KCNQ1: variants seen among roughly 807,000 people sequenced by gnomAD.
KCNQ1 encodes potassium voltage-gated channel subfamily Q member 1.
KCNQ1 carries 49 observed loss-of-function variants against 72.4 expected under a neutral mutation model. The observed-to-expected ratio is 0.68, with a 90% CI of 0.54 to 0.86. The LOEUF (loss-of-function observed/expected upper bound fraction) is 0.86, where lower values mean the gene tolerates loss of function less well. KCNQ1 is among the 40% of genes least tolerant of loss of function. KCNQ1 has a pLI of 0.00. For missense variants in KCNQ1, 790 were observed against 945.1 expected (o/e 0.84, Z 2.15); for synonymous variants, 450 against 412.6 (o/e 1.09, Z -1.10).
rs994401725 is a variant in KCNQ1, at chr11:2,653,789, C to G, written c.1394-8172C>G. ...GTACAAGCCATCCTTGGACCTGCAGCTGTACCTCCGATGGCTGAGGCAAGG... is the reference window on the plus strand; with the variant it reads ...GTACAAGCCATCCTTGGACCTGCAGGTGTACCTCCGATGGCTGAGGCAAGG... On this transcript the variant is annotated intron_variant, in intron 10 of 15. Coordinates refer to ENST00000155840, the MANE Select transcript of KCNQ1 (RefSeq NM_000218.3). The surrounding 1 kb of genome is among the most constrained non-coding windows in gnomAD (Gnocchi z 5.3). 1 of 398,562 alleles carries G rather than the reference C, an allele frequency of 2.5e-6. No homozygotes were observed. Among genetic ancestry groups the G allele is most frequent in the Non-Finnish European group, 4.4e-6 (1 of 226,104 alleles). The allele number at this position is 398,562 out of a possible 1,614,324, so 24.7% of individuals were successfully genotyped here. A position where few individuals can be genotyped will look rare whatever the true frequency, so the allele number is the denominator to read the frequency against.
chr11:2,670,089 G>A lies in KCNQ1; in HGVS notation c.1514+8008G>A. 1 of 398,690 alleles carries A rather than the reference G, an allele frequency of 2.5e-6. No homozygotes were observed. Among genetic ancestry groups the A allele is most frequent in the Non-Finnish European group, 4.4e-6 (1 of 226,152 alleles). The allele number at this position is 398,690 out of a possible 1,614,324, so 24.7% of individuals were successfully genotyped here. A position where few individuals can be genotyped will look rare whatever the true frequency, so the allele number is the denominator to read the frequency against. On this transcript the variant is annotated intron_variant, in intron 11 of 15. Transcript: ENST00000155840. The surrounding 1 kb of genome is among the most constrained non-coding windows in gnomAD (Gnocchi z 4.9). ...GGAGGGGGTTGGAGGCAGAATCAGT[G>A]GACTGTGTCTCATGGCAGTCACAGG...
At chr11:2,733,857 C>CTCT (rs147278439) in intron 11 of KCNQ1, among the ~76,000 whole-genome samples, 10,261 of 75,362 alleles carry the variant, frequency 0.14, 1,565 homozygotes, top group Middle Eastern at 0.19. Context: ...CTCTCTCTCT[C>CTCT]CCCCCCCACT....
chr11:2,512,520 G>C (rs900237860), intron 1 of KCNQ1, among the ~76,000 whole-genome samples: 2 of 152,234 alleles, frequency 1.3e-5, no homozygotes, highest in Non-Finnish European at 2.9e-5. Context: ...CTCAAGACAA[G>C]TGTGGCCATG....
At chr11:2,466,603 G>A (rs911756308) in intron 1 of KCNQ1, among the ~76,000 whole-genome samples, 2 of 152,126 alleles carry the variant, frequency 1.3e-5, no homozygotes, top group Non-Finnish European at 2.9e-5. Flanking sequence ...AGCCTTGCCC[G>A]GGGGCACAGC....
At chr11:2,630,334 A>G in intron 10 of KCNQ1, 1 of 398,174 alleles carries the variant, frequency 2.5e-6, no homozygotes, top group Non-Finnish European at 4.4e-6. Flanking sequence ...GAAAATTTTT[A>G]AATGTATAGT....
chr11:2,553,167 T>G (rs1382106150), intron 2 of KCNQ1, among the ~76,000 whole-genome samples: 3 of 142,790 alleles, frequency 2.1e-5, no homozygotes, highest in South Asian at 4.6e-4. Context: ...TTTTTGTTTT[T>G]TTTTTTTTTG....
rs987151736 is a variant in KCNQ1 at position 2,516,365 on chromosome 11, C to T, written c.387-11563C>T. ...CCCAGCGTCCCCTCATGCCTGGGAC[C>T]GCTGACCCACCGGGATTCTTGGGGG... On this transcript the variant is annotated intron_variant, in intron 1 of 15. Transcript: ENST00000155840. This position sits in a 1 kb window ranked among gnomAD's most constrained non-coding sequence, Gnocchi z 7.0. Among the ~76,000 whole-genome samples, 2 of 151,920 alleles carry T rather than the reference C, an allele frequency of 1.3e-5. No individual in the cohort carries two copies. Among genetic ancestry groups the T allele is most frequent in the African/African-American group, 4.8e-5 (2 of 41,354 alleles).
At chr11:2,839,271 T>G (rs1008701245) in intron 15 of KCNQ1, among the ~76,000 whole-genome samples, 1 of 151,994 alleles carries the variant, frequency 6.6e-6, no homozygotes, top group African/African-American at 2.4e-5. Context: ...GCAAAGGGGC[T>G]CCAGTGCCAC....
At chr11:2,607,411 A>G (rs1216981189) in intron 10 of KCNQ1, among the ~76,000 whole-genome samples, 1 of 152,100 alleles carries the variant, frequency 6.6e-6, no homozygotes, top group Admixed American at 6.5e-5. Flanking sequence ...CTAACCCCCA[A>G]TGTTGGTATT....
intron 11 of KCNQ1, chr11:2,697,739 G>T (rs1457634507): frequency 2.5e-6 from 1 of 398,454 alleles, no homozygotes; most frequent in African/African-American, 2.1e-5. Context: ...AAGAATTGTT[G>T]TTTAATACAT....
chr11:2,640,601 G>A (rs1029855296), intron 10 of KCNQ1: 3 of 396,148 alleles, frequency 7.6e-6, no homozygotes, highest in Non-Finnish European at 8.9e-6. Flanking sequence ...ATACTTATGG[G>A]GTACATGTGC....
rs149225615 is a variant in KCNQ1, at chr11:2,668,944, GCA to G, written c.1514+6865_1514+6866del. 1.5e-3 allele frequency: 600 copies of G among 397,554 alleles called. 3 individuals are homozygous for G. The highest frequency in any genetic ancestry group is 0.01 in the African/African-American group (490 of 48,328). The allele number at this position is 397,554 out of a possible 1,614,324, so 24.6% of individuals were successfully genotyped here. The stretch of plus-strand genomic sequence containing the variant: ...TAGCTCACCTTTCCCATGTAGATCT[GCA>G]CTCCATCTGGGATTGATTTTTGTGT... On this transcript the variant is annotated intron_variant, in intron 11 of 15. Coordinates refer to ENST00000155840, the MANE Select transcript of KCNQ1 (RefSeq NM_000218.3). The surrounding 1 kb of genome is among the most constrained non-coding windows in gnomAD (Gnocchi z 4.3).
At position 2,564,721 on chromosome 11, in the gene KCNQ1, C is replaced by T. The variant is rs993156064; in HGVS notation, c.478-5907C>T. On this transcript the variant is annotated intron_variant, in intron 2 of 15. Coordinates refer to ENST00000155840, the MANE Select transcript of KCNQ1 (RefSeq NM_000218.3). This position sits in a 1 kb window ranked among gnomAD's most constrained non-coding sequence, Gnocchi z 4.5. Reference sequence around the variant, plus strand: ...CTTGCAAAACTGATGAAAGTCTGTCCCCATTAAACACTCACTCCCTACTCC... The same window carrying T: ...CTTGCAAAACTGATGAAAGTCTGTCTCCATTAAACACTCACTCCCTACTCC... Among the ~76,000 whole-genome samples the T allele has an allele frequency of 6.6e-6, 1 of 152,200 alleles. No individual in the cohort carries two copies.
intron 1 of KCNQ1, among the ~76,000 whole-genome samples, chr11:2,472,486 G>T (rs1846500723): frequency 6.6e-6 from 1 of 152,096 alleles, no homozygotes; most frequent in Non-Finnish European, 1.5e-5. Flanking sequence ...AGAGGCTGAG[G>T]CTGGTCCCTT....
In KCNQ1 at chr11:2,654,631, A is replaced by G. The variant is rs1849810142; in HGVS notation, c.1394-7330A>G. Reference sequence around the variant, plus strand: ...TGAAGTTACTAGGAAGGGCCCAGACACTGGCGAGAGTCTCTTGAGGGCAGA... The same window carrying G: ...TGAAGTTACTAGGAAGGGCCCAGACGCTGGCGAGAGTCTCTTGAGGGCAGA... On this transcript the variant is annotated intron_variant, in intron 10 of 15. Transcript: ENST00000155840. This position sits in a 1 kb window ranked among gnomAD's most constrained non-coding sequence, Gnocchi z 6.4. The G allele has an allele frequency of 5.0e-6, 2 of 398,674 alleles. No individual in the cohort carries two copies. Among genetic ancestry groups the G allele is most frequent in the South Asian group, 1.3e-4 (1 of 7,874 alleles). The allele number at this position is 398,674 out of a possible 1,614,324, so 24.7% of individuals were successfully genotyped here.
rs1403172379 is a variant in KCNQ1 at position 2,559,283 on chromosome 11, G to T, written c.478-11345G>T. 6.6e-6 allele frequency among the ~76,000 whole-genome samples: 1 copy of T among 152,172 alleles called. No individual in the cohort carries two copies. Among genetic ancestry groups the T allele is most frequent in the East Asian group, 1.9e-4 (1 of 5,172 alleles). ...ATGGAATCAGTCCTGGGGCCTGGAG[G>T]GTCGTAGAGAAATGTGTGAACATGG... On this transcript the variant is annotated intron_variant, in intron 2 of 15. Transcript: ENST00000155840. This position sits in a 1 kb window ranked among gnomAD's most constrained non-coding sequence, Gnocchi z 4.9.
intron 11 of KCNQ1, chr11:2,681,388 T>C: frequency 2.5e-6 from 1 of 398,440 alleles, no homozygotes. Context: ...CTCTTGGGGC[T>C]GGGGTGACTA....
rs1321764669 is a variant in KCNQ1 at position 2,473,590 on chromosome 11, C to G, written c.386+28106C>G. On this transcript the variant is annotated intron_variant, in intron 1 of 15. Transcript: ENST00000155840. The surrounding 1 kb of genome is among the most constrained non-coding windows in gnomAD (Gnocchi z 6.0). Reference sequence around the variant, plus strand: ...ACAGACGCTCAGCCGTGTCATGTGGCTTGTAGAGCGAGGGTGTGCGGCCGG... The same window carrying G: ...ACAGACGCTCAGCCGTGTCATGTGGGTTGTAGAGCGAGGGTGTGCGGCCGG... Among the ~76,000 whole-genome samples the G allele has an allele frequency of 6.6e-6, 1 of 152,214 alleles. No homozygotes were observed. Among genetic ancestry groups the G allele is most frequent in the Non-Finnish European group, 1.5e-5 (1 of 68,036 alleles).
At position 2,698,618 on chromosome 11, in the gene KCNQ1, A is replaced by G; in HGVS notation, c.1514+36537A>G. On this transcript the variant is annotated intron_variant, in intron 11 of 15. Coordinates refer to ENST00000155840, the MANE Select transcript of KCNQ1 (RefSeq NM_000218.3). This position sits in a 1 kb window ranked among gnomAD's most constrained non-coding sequence, Gnocchi z 5.1. ...ACTTCGACTTCAATTCCTGACTCCC[A>G]TACCCCACTGAGACCTCTAACCCCA... The G allele has an allele frequency of 2.5e-6, 1 of 398,048 alleles. No homozygotes were observed. Among genetic ancestry groups the G allele is most frequent in the Non-Finnish European group, 4.4e-6 (1 of 225,974 alleles). The allele number at this position is 398,048 out of a possible 1,614,324, so 24.7% of individuals were successfully genotyped here. A position where few individuals can be genotyped will look rare whatever the true frequency, so the allele number is the denominator to read the frequency against.
Sources: gnomAD v4.1 joint callset for allele counts (sites outside exome capture counted in the v4.1 genomes callset) on GRCh38, gnomAD v4.1.1 for gene constraint, Gnocchi (gnomAD v3.1) non-coding constraint, MANE v1.5 for transcripts, NCBI Gene and HGNC (gene_info 2026-07-23, HGNC 2026-07-21) for gene names.